Variants in RAMP1 observed in about 807,000 individuals in gnomAD.
RAMP1 encodes the protein receptor activity modifying protein 1.
A neutral mutation model predicts 8.2 loss-of-function variants in RAMP1; 7 were observed. The observed-to-expected ratio is 0.85, with a 90% CI of 0.49 to 1.60. The LOEUF (loss-of-function observed/expected upper bound fraction) is 1.60. Ranked by LOEUF, RAMP1 falls within the 40% of genes most tolerant of loss-of-function variation. The probability of loss-of-function intolerance (pLI) is 0.00; values close to 1 mark genes in which losing one functional copy is unlikely to be tolerated. For missense variants in RAMP1, 192 were observed against 202.4 expected (o/e 0.95, Z 0.31); for synonymous variants, 92 against 84.7 (o/e 1.09, Z -0.47).
chr2:237,908,484 T>G (rs2151024153), intron 2 of RAMP1, among the ~76,000 whole-genome samples: 1 of 151,928 alleles, frequency 6.6e-6, no homozygotes, highest in South Asian at 2.1e-4. Flanking sequence ...TAGAGTGCAG[T>G]GGCATGATCT....
At position 237,862,099 on chromosome 2, in the gene RAMP1, C is replaced by T. The variant is rs1025254343; in HGVS notation, c.52+2372C>T. Reference sequence around the variant, plus strand: ...GTCACCTGTCCTAGGAAACGCATGCCTTCCTTGGCTGTCACGTGGGAGCCA... The same window carrying T: ...GTCACCTGTCCTAGGAAACGCATGCTTTCCTTGGCTGTCACGTGGGAGCCA... On this transcript the variant is annotated intron_variant, in intron 1 of 2. Coordinates refer to ENST00000254661, the MANE Select transcript of RAMP1 (RefSeq NM_005855.4). This position sits in a 1 kb window ranked among gnomAD's most constrained non-coding sequence, Gnocchi z 4.0. 1.3e-5 allele frequency among the ~76,000 whole-genome samples: 2 copies of T among 152,096 alleles called. No individual in the cohort carries two copies. The highest frequency in any genetic ancestry group is 4.8e-5 in the African/African-American group (2 of 41,402).
At chr2:237,892,735 T>TTCTC (rs35656622) in intron 2 of RAMP1, among the ~76,000 whole-genome samples, 3,066 of 148,692 alleles carry the variant, frequency 0.021, 152 homozygotes, top group East Asian at 0.19. Flanking sequence ...GGGCTTCCTC[T>TTCTC]TCTCTCTCTC....
At chr2:237,875,906 C>T (rs1301498374) in intron 1 of RAMP1, among the ~76,000 whole-genome samples, 2 of 152,150 alleles carry the variant, frequency 1.3e-5, no homozygotes, top group Non-Finnish European at 2.9e-5. Flanking sequence ...CAGGCCATTC[C>T]CTGTACTTCC....
intron 2 of RAMP1, among the ~76,000 whole-genome samples, chr2:237,896,215 C>T (rs1013909964): frequency 1.1e-4 from 16 of 152,208 alleles, no homozygotes; most frequent in African/African-American, 3.1e-4. Flanking sequence ...GGAGCCAGGG[C>T]GCTGCCCAGG....
chr2:237,897,122 C>T (rs774393922), intron 2 of RAMP1, among the ~76,000 whole-genome samples: 8 of 152,230 alleles, frequency 5.3e-5, no homozygotes, highest in Non-Finnish European at 1.0e-4. Context: ...GGTGTGCATC[C>T]GTCCAGGTGG....
chr2:237,870,771 G>C (rs930096055), intron 1 of RAMP1, among the ~76,000 whole-genome samples: 1 of 152,180 alleles, frequency 6.6e-6, no homozygotes, highest in Non-Finnish European at 1.5e-5. Flanking sequence ...GGTTCCTAAG[G>C]TTGGAGGTGA....
In RAMP1 at chr2:237,862,889, C is replaced by T. The variant is rs1202674554; in HGVS notation, c.52+3162C>T. The stretch of plus-strand genomic sequence containing the variant: ...GCTGCGTCTTTCCTCCAGGCTGGAT[C>T]TGAGTGGGGCTGCCACAGTCTACCC... On this transcript the variant is annotated intron_variant, in intron 1 of 2. Transcript: ENST00000254661. This position sits in a 1 kb window ranked among gnomAD's most constrained non-coding sequence, Gnocchi z 4.0. 3.9e-5 allele frequency among the ~76,000 whole-genome samples: 6 copies of T among 152,172 alleles called. No individual in the cohort carries two copies. Among genetic ancestry groups the T allele is most frequent in the Admixed American group, 3.9e-4 (6 of 15,276 alleles).
chr2:237,889,634 T>C (rs2062469465), intron 2 of RAMP1, among the ~76,000 whole-genome samples: 1 of 152,224 alleles, frequency 6.6e-6, no homozygotes, highest in Non-Finnish European at 1.5e-5. Flanking sequence ...TTTGCATGCT[T>C]TGATATATTT....
In RAMP1 at chr2:237,862,998, C is replaced by T. The variant is rs911745461; in HGVS notation, c.52+3271C>T. Among the ~76,000 whole-genome samples, 8 of 152,326 alleles carry T rather than the reference C, an allele frequency of 5.3e-5. No individual in the cohort carries two copies. The highest frequency in any genetic ancestry group is 4.1e-4 in the South Asian group (2 of 4,820). ...CCCTAGATCGAGCTCATGGGGTACACATTTCCATCATGTGACCCATAACGT... is the reference window on the plus strand; with the variant it reads ...CCCTAGATCGAGCTCATGGGGTACATATTTCCATCATGTGACCCATAACGT... On this transcript the variant is annotated intron_variant, in intron 1 of 2. Coordinates refer to ENST00000254661, the MANE Select transcript of RAMP1 (RefSeq NM_005855.4). The surrounding 1 kb of genome is among the most constrained non-coding windows in gnomAD (Gnocchi z 4.0).
intron 2 of RAMP1, among the ~76,000 whole-genome samples, chr2:237,903,814 C>T (rs2062629049): frequency 6.6e-6 from 1 of 152,226 alleles, no homozygotes; most frequent in Non-Finnish European, 1.5e-5. Context: ...CCTGCCTTAG[C>T]CTCCCGAGTA....
In RAMP1 at chr2:237,876,134, G is replaced by A. The variant is rs3769029; in HGVS notation, c.53-1090G>A. 1.3e-4 allele frequency among the ~76,000 whole-genome samples: 20 copies of A among 152,322 alleles called. No homozygotes were observed. The East Asian group carries it at 3.9e-3, about 29-fold the overall frequency. ...GCATCGGGGCAGCTCCAGTTCCTCT[G>A]CGTTTTACTCAGCAGTCCGAGGGGC... is the stretch of plus-strand genomic sequence containing the variant. On this transcript the variant is annotated intron_variant, in intron 1 of 2. Transcript: ENST00000254661.
At chr2:237,888,178 C>T (rs1167636146) in intron 2 of RAMP1, among the ~76,000 whole-genome samples, 3 of 151,856 alleles carry the variant, frequency 2.0e-5, no homozygotes, top group African/African-American at 4.8e-5. Flanking sequence ...CTCAGCCTCC[C>T]GAGTAGCTGG....
intron 1 of RAMP1, among the ~76,000 whole-genome samples, chr2:237,870,414 G>A (rs2062234016): frequency 6.6e-6 from 1 of 152,232 alleles, no homozygotes; most frequent in South Asian, 2.1e-4. Context: ...CGGCGCGCTG[G>A]TGCTGCTCAC....
chr2:237,860,934 C>T (rs1434297365), intron 1 of RAMP1, among the ~76,000 whole-genome samples: 1 of 152,132 alleles, frequency 6.6e-6, no homozygotes, highest in Non-Finnish European at 1.5e-5. Context: ...AATCTGAAAG[C>T]GGATCTTGCC....
chr2:237,897,164 C>T (rs1265779031), intron 2 of RAMP1, among the ~76,000 whole-genome samples: 5 of 152,230 alleles, frequency 3.3e-5, no homozygotes, highest in Non-Finnish European at 1.5e-5. Flanking sequence ...CCACGGGCCC[C>T]GCCTGGGCCT....
At chr2:237,903,620 G>A (rs2062627506) in intron 2 of RAMP1, among the ~76,000 whole-genome samples, 1 of 151,996 alleles carries the variant, frequency 6.6e-6, no homozygotes, top group Non-Finnish European at 1.5e-5. Context: ...CCACCTCCCT[G>A]GGCTCATGTG....
chr2:237,906,017 A>C (rs1400362695), intron 2 of RAMP1, among the ~76,000 whole-genome samples: 2 of 151,598 alleles, frequency 1.3e-5, no homozygotes, highest in African/African-American at 4.8e-5. Flanking sequence ...TCTCAAAAAA[A>C]AAAAAAAAAA....
At chr2:237,910,572 C>T (rs1559178556) in intron 2 of RAMP1, among the ~76,000 whole-genome samples, 1 of 151,826 alleles carries the variant, frequency 6.6e-6, no homozygotes, top group Non-Finnish European at 1.5e-5. Flanking sequence ...CACAGAATAA[C>T]AGTTACACAG....
At chr2:237,888,336 C>G (rs908540386) in intron 2 of RAMP1, among the ~76,000 whole-genome samples, 4 of 152,158 alleles carry the variant, frequency 2.6e-5, no homozygotes, top group Non-Finnish European at 4.4e-5. Flanking sequence ...CAGGCGTGAG[C>G]CACCACGCCC....
Sources: gnomAD v4.1 joint callset for allele counts (sites outside exome capture counted in the v4.1 genomes callset) on GRCh38, gnomAD v4.1.1 for gene constraint, Gnocchi (gnomAD v3.1) non-coding constraint, MANE v1.5 for transcripts, NCBI Gene and HGNC (gene_info 2026-07-23, HGNC 2026-07-21) for gene names.